The following MYO16 variants were observed in gnomAD, a reference collection of about 807,000 sequenced individuals.
MYO16 encodes the protein unconventional myosin-XVI.
In MYO16, 94 loss-of-function variants were observed where a neutral mutation model predicts 205.3. That is an observed-to-expected ratio of 0.46 (90% CI 0.39 to 0.54). The LOEUF (loss-of-function observed/expected upper bound fraction) is 0.54. MYO16 is among the 20% of genes least tolerant of loss of function. The pLI, the probability that MYO16 is intolerant of heterozygous loss-of-function variation, is 0.00. For missense variants in MYO16, 2,315 were observed against 2,387.5 expected (o/e 0.97, Z 0.63); for synonymous variants, 988 against 954.0 (o/e 1.04, Z -0.66).
chr13:108,934,070 A>G (rs901631340), intron 16 of MYO16, among the ~76,000 whole-genome samples: 1 of 152,276 alleles, frequency 6.6e-6, no homozygotes, highest in Admixed American at 6.5e-5. Context: ...ATGTGAGTGC[A>G]TGTGCCTTTT....
At chr13:108,714,229 G>C (rs1013525087) in intron 3 of MYO16, among the ~76,000 whole-genome samples, 3 of 152,080 alleles carry the variant, frequency 2.0e-5, no homozygotes, top group African/African-American at 4.8e-5. Context: ...CGAATTTTTT[G>C]TATTTTTAGT....
chr13:108,979,865 A>C (rs1016388358), intron 20 of MYO16, among the ~76,000 whole-genome samples: 2 of 152,280 alleles, frequency 1.3e-5, no homozygotes. Context: ...AAATAACTTT[A>C]AATTATCAGA....
chr13:109,087,516 G>T (rs1309749265), intron 27 of MYO16, among the ~76,000 whole-genome samples: 1 of 152,076 alleles, frequency 6.6e-6, no homozygotes, highest in Non-Finnish European at 1.5e-5. Flanking sequence ...CGTAGTGGCG[G>T]GTGCCTGTAA....
chr13:109,202,157 A>G (rs1204646137), intron 34 of MYO16, among the ~76,000 whole-genome samples: 1 of 152,128 alleles, frequency 6.6e-6, no homozygotes, highest in Non-Finnish European at 1.5e-5. Context: ...TTGTGCTGCT[A>G]TAAACATGCA....
At chr13:109,009,175 T>G (rs972348350) in intron 22 of MYO16, 126 bp downstream of exon 22, 1 of 748,338 alleles carries the variant, frequency 1.3e-6, no homozygotes, top group Non-Finnish European at 2.0e-6. Context: ...TGCAATAATT[T>G]TTCAAAATGT....
chr13:109,178,384 C>G (rs1879311577), intron 33 of MYO16, among the ~76,000 whole-genome samples: 1 of 152,138 alleles, frequency 6.6e-6, no homozygotes, highest in Non-Finnish European at 1.5e-5. Context: ...ACCTGGAAGG[C>G]CTTGTTGTGT....
the MYO16 span, among the ~76,000 whole-genome samples, chr13:108,562,031 C>T: frequency 1.3e-5 from 2 of 152,144 alleles, no homozygotes; most frequent in Non-Finnish European, 2.9e-5. Flanking sequence ...AGGTATCTGT[C>T]TTATCTTGGG....
chr13:108,663,080 T>C (rs144375713), intron 1 of MYO16, among the ~76,000 whole-genome samples: 2 of 152,320 alleles, frequency 1.3e-5, no homozygotes, highest in Admixed American at 6.5e-5. Context: ...TCTTCTGCAG[T>C]TGGGGCACTC....
intron 32 of MYO16, among the ~76,000 whole-genome samples, chr13:109,148,119 G>C (rs150866427): frequency 1.3e-5 from 2 of 152,164 alleles, no homozygotes; most frequent in African/African-American, 4.8e-5. Context: ...TCCCCTAAAT[G>C]TCTAGTAGAA....
chr13:108,618,025 C>A (rs1879410593), intron 1 of MYO16, among the ~76,000 whole-genome samples: 1 of 152,168 alleles, frequency 6.6e-6, no homozygotes, highest in African/African-American at 2.4e-5. Context: ...CAAGCTATTG[C>A]TTCCTGAGAA....
In MYO16 at chr13:108,844,363, T is replaced by A; in HGVS notation, c.1118T>A (p.Ile373Asn). 1 of 1,612,938 alleles carries A rather than the reference T, an allele frequency of 6.2e-7. No individual in the cohort carries two copies. The highest frequency in any genetic ancestry group is 8.5e-7 in the Non-Finnish European group (1 of 1,179,258). Reference protein sequence around the residue: ...SSKLSPLVLPIAKQDSLLEKD... With the variant: ...SSKLSPLVLPNAKQDSLLEKD... ...TGTAGCAGTCCCCTGGTGTTACCAATTGCCAAGCAAGACAGTTTGTTGGAA... is the reference window on the plus strand; with the variant it reads ...TGTAGCAGTCCCCTGGTGTTACCAAATGCCAAGCAAGACAGTTTGTTGGAA... Residue 373 changes from isoleucine (I) to asparagine (N), a missense_variant, in exon 10 of 35, where the codon ATT becomes AAT. Transcript: ENST00000457511.
intron 1 of MYO16, among the ~76,000 whole-genome samples, chr13:108,621,450 C>G (rs761326354): frequency 3.6e-4 from 55 of 152,074 alleles, no homozygotes; most frequent in Admixed American, 2.4e-3. Flanking sequence ...TCTAGAAATT[C>G]ATTAATTTTA....
At chr13:109,020,241 G>A (rs1408510395) in intron 23 of MYO16, among the ~76,000 whole-genome samples, 1 of 152,106 alleles carries the variant, frequency 6.6e-6, no homozygotes, top group East Asian at 1.9e-4. Flanking sequence ...TTGGACATCT[G>A]AGTTTTCTTG....
chr13:109,008,956 C>T lies in MYO16; in HGVS notation c.2502C>T (p.Leu834=). The change falls in exon 22 of 35, where the codon CTC becomes CTT. Residue 834 remains leucine, a synonymous_variant. Coordinates refer to ENST00000457511, the MANE Select transcript of MYO16 (RefSeq NM_001198950.3). ...MHHYINEVLF[L]HEQVECVQEG... Reference sequence around the variant, plus strand: ...ACTATATCAATGAAGTGCTTTTTCTCCACGAGCAAGTGGAATGTGTACAAG... The same window carrying T: ...ACTATATCAATGAAGTGCTTTTTCTTCACGAGCAAGTGGAATGTGTACAAG... The T allele has an allele frequency of 6.2e-7, 1 of 1,613,250 alleles. No homozygotes were observed. Among genetic ancestry groups the T allele is most frequent in the Non-Finnish European group, 8.5e-7 (1 of 1,179,582 alleles).
intron 1 of MYO16, among the ~76,000 whole-genome samples, chr13:108,659,571 A>G (rs1393082376): frequency 2.6e-5 from 4 of 152,262 alleles, no homozygotes; most frequent in East Asian, 1.9e-4. Context: ...GATGAGCTTC[A>G]TGACACTGCC....
intron 8 of MYO16, among the ~76,000 whole-genome samples, chr13:108,821,456 T>C (rs1875966528): frequency 6.6e-6 from 1 of 152,206 alleles, no homozygotes; most frequent in Non-Finnish European, 1.5e-5. Context: ...TTAACTATAT[T>C]AGTATGCTAA....
At chr13:108,523,445 C>T in the MYO16 span, among the ~76,000 whole-genome samples, 1 of 152,196 alleles carries the variant, frequency 6.6e-6, no homozygotes, top group Non-Finnish European at 1.5e-5. Context: ...GTAGCATCTT[C>T]CCTTTATCAT....
chr13:108,555,555 A>C, the MYO16 span, among the ~76,000 whole-genome samples: 1 of 152,260 alleles, frequency 6.6e-6, no homozygotes, highest in Non-Finnish European at 1.5e-5. Context: ...GAGCTAATTA[A>C]CATAAGCATT....
At chr13:108,507,671 G>C in the MYO16 span, among the ~76,000 whole-genome samples, 1 of 152,038 alleles carries the variant, frequency 6.6e-6, no homozygotes, top group African/African-American at 2.4e-5. Flanking sequence ...TCAGATTAGA[G>C]AAGTTTCCAG....
Sources: gnomAD v4.1 joint callset for allele counts (sites outside exome capture counted in the v4.1 genomes callset) on GRCh38, gnomAD v4.1.1 for gene constraint, MANE v1.5 for transcripts, NCBI Gene and HGNC (gene_info 2026-07-23, HGNC 2026-07-21) for gene names.